The following SCN3B variants were observed in gnomAD, a reference collection of about 807,000 sequenced individuals.
SCN3B encodes the protein sodium voltage-gated channel beta subunit 3.
A neutral mutation model predicts 25.4 loss-of-function variants in SCN3B; 11 were observed. The ratio of observed to expected loss-of-function variants is 0.43; its 90% confidence interval spans 0.27 to 0.72. The LOEUF is 0.72. Among genes scored for constraint, SCN3B ranks in the 30% least tolerant of loss-of-function variants. The pLI is 0.18. For missense variants in SCN3B, 218 were observed against 278.3 expected, an observed-to-expected ratio of 0.78 and a Z score of 1.54; for synonymous variants, 109 against 110.7, an observed-to-expected ratio of 0.99 and a Z score of 0.09.
Position 123,632,281 on chromosome 11 carries a change from T to TA in SCN3B, c.*1517dup, listed in dbSNP as rs957932338. The stretch of plus-strand genomic sequence containing the variant: ...CTCAGACTAAACATTTTTCTTAGTT[T>TA]AAATATCAGTCTCAGATGCACTCTC... On this transcript the variant is annotated 3_prime_UTR_variant, in exon 7 of 7. Transcript: ENST00000299333. The TA allele has an allele frequency of 7.2e-5, 11 of 152,364 alleles. No individual in the cohort carries two copies. Among genetic ancestry groups the TA allele is most frequent in the Admixed American group, 7.2e-4 (11 of 15,300 alleles). 9.4% of individuals were successfully genotyped at this position (152,364 alleles called of 1,614,324 possible).
At chr11:123,644,035 C>T (rs1955820156) in intron 3 of SCN3B, among the ~76,000 whole-genome samples, 1 of 152,216 alleles carries the variant, frequency 6.6e-6, no homozygotes, top group South Asian at 2.1e-4. Context: ...TCCATTGTCT[C>T]TGTTACAAAT....
chr11:123,633,982 C>A (rs532193757), intron 6 of SCN3B, 139 bp downstream of exon 6: 11 of 680,302 alleles, frequency 1.6e-5, no homozygotes, highest in Non-Finnish European at 2.4e-5. Flanking sequence ...AAAGAATTAC[C>A]CTGAGGGCGG....
At position 123,632,405 on chromosome 11, in the gene SCN3B, C is replaced by A. The variant is rs1955682587; in HGVS notation, c.*1394G>T. On this transcript the variant is annotated 3_prime_UTR_variant, in exon 7 of 7. Coordinates refer to ENST00000299333, the MANE Select transcript of SCN3B (RefSeq NM_001040151.2). The stretch of plus-strand genomic sequence containing the variant: ...CCTGCTTTTTTGGCCAATTTCTAGT[C>A]ATCTGAATCTATCAGAGTTGACCTC... 6.6e-6 allele frequency: 1 copy of A among 152,174 alleles called. No individual in the cohort carries two copies. The highest frequency in any genetic ancestry group is 2.4e-5 in the African/African-American group (1 of 41,440). The allele number at this position is 152,174 out of a possible 1,614,324, so 9.4% of individuals were successfully genotyped here.
intron 4 of SCN3B, 61 bp from the exon 5 acceptor site, chr11:123,638,385 G>A: frequency 6.2e-7 from 1 of 1,606,406 alleles, no homozygotes. Context: ...GCCGTCATTG[G>A]AGCCATATTT....
In SCN3B at chr11:123,653,817, G is replaced by A; in HGVS notation, c.-16C>T. The A allele has an allele frequency of 6.2e-7, 1 of 1,614,130 alleles. No homozygotes were observed. Among genetic ancestry groups the A allele is most frequent in the Non-Finnish European group, 8.5e-7 (1 of 1,179,954 alleles). On this transcript the variant is annotated 5_prime_UTR_variant, in exon 2 of 7. Transcript: ENST00000299333. Reference sequence around the variant, plus strand: ...AGGCAGGCATCTTCTGGGGCTGGCGGCTTCCAAGGCTACACAGAGAGATTC... The same window carrying A: ...AGGCAGGCATCTTCTGGGGCTGGCGACTTCCAAGGCTACACAGAGAGATTC...
rs1235802088 is a variant in SCN3B, at chr11:123,629,831, TC to T, written c.*3967del. The T allele has an allele frequency of 1.3e-5, 2 of 152,214 alleles. No individual in the cohort carries two copies. The highest frequency in any genetic ancestry group is 3.9e-4 in the East Asian group (2 of 5,194). The allele number at this position is 152,214 out of a possible 1,614,324, so 9.4% of individuals were successfully genotyped here. A position where few individuals can be genotyped will look rare whatever the true frequency, so the allele number is the denominator to read the frequency against. ...GGAAGGCTTCTTTTGTTTTTGTTTT[TC>T]ATTTTTTTCTTTTTTCATTTTCATG... On this transcript the variant is annotated 3_prime_UTR_variant, in exon 7 of 7. Coordinates refer to ENST00000299333, the MANE Select transcript of SCN3B (RefSeq NM_001040151.2).
chr11:123,645,640 C>T lies in SCN3B; in HGVS notation c.166G>A (p.Ala56Thr). ...TAGAACCATTCCACCACCGTGGTGG[C>T]CTCCACCTCCTCTCTCTTCATGCAG... is the stretch of plus-strand genomic sequence containing the variant. Reference protein sequence around the residue: ...ISCMKREEVEATTVVEWFYRP... With the variant: ...ISCMKREEVETTTVVEWFYRP... The change falls in exon 3 of 7, where the codon GCC becomes ACC. Residue 56 changes from alanine (A) to threonine (T), a missense_variant. By Grantham distance (58) the Ala-to-Thr change is moderately conservative. Coordinates refer to ENST00000299333, the MANE Select transcript of SCN3B (RefSeq NM_001040151.2). 6.2e-7 allele frequency: 1 copy of T among 1,614,094 alleles called. No individual in the cohort carries two copies. Among genetic ancestry groups the T allele is most frequent in the East Asian group, 2.2e-5 (1 of 44,852 alleles).
rs565276689 is a variant in SCN3B at position 123,642,370 on chromosome 11, C to T, written c.445+76G>A. 8 of 1,413,564 alleles carry T rather than the reference C, an allele frequency of 5.7e-6. No homozygotes were observed. Among genetic ancestry groups the T allele is most frequent in the East Asian group, 2.3e-5 (1 of 43,892 alleles). 87.6% of individuals were successfully genotyped at this position (1,413,564 alleles called of 1,614,324 possible). On this transcript the variant is annotated intron_variant, in intron 4 of 6. Transcript: ENST00000299333. This position sits in a 1 kb window ranked among gnomAD's most constrained non-coding sequence, Gnocchi z 4.3. The stretch of plus-strand genomic sequence containing the variant: ...TTTTGCACTCTTTAAGGGCCTCACT[C>T]GTGGAAAACTGCTGTCCTACCCTTC...
chr11:123,649,394 C>T (rs1478344329), intron 2 of SCN3B, among the ~76,000 whole-genome samples: 1 of 152,170 alleles, frequency 6.6e-6, no homozygotes, highest in Non-Finnish European at 1.5e-5. Context: ...GCAAGTCCCA[C>T]TCCTTCCCTT....
rs1955668625 is a variant in SCN3B, at chr11:123,631,253, A to T, written c.*2546T>A. On this transcript the variant is annotated 3_prime_UTR_variant, in exon 7 of 7. Coordinates refer to ENST00000299333, the MANE Select transcript of SCN3B (RefSeq NM_001040151.2). ...TTAAAAAGAAGAGAAAAAGGCAATCATGCATACTGCCGGGTTCAACTTAGA... is the reference window on the plus strand; with the variant it reads ...TTAAAAAGAAGAGAAAAAGGCAATCTTGCATACTGCCGGGTTCAACTTAGA... 6.6e-6 allele frequency: 1 copy of T among 152,114 alleles called. No homozygotes were observed. Among genetic ancestry groups the T allele is most frequent in the South Asian group, 2.1e-4 (1 of 4,834 alleles). The allele number at this position is 152,114 out of a possible 1,614,324, so 9.4% of individuals were successfully genotyped here. A position where few individuals can be genotyped will look rare whatever the true frequency, so the allele number is the denominator to read the frequency against.
In SCN3B at chr11:123,629,886, T is replaced by C. The variant is rs564056752; in HGVS notation, c.*3913A>G. 6.6e-6 allele frequency: 1 copy of C among 152,356 alleles called. No homozygotes were observed. Among genetic ancestry groups the C allele is most frequent in the East Asian group, 1.9e-4 (1 of 5,188 alleles). 9.4% of individuals were successfully genotyped at this position (152,356 alleles called of 1,614,324 possible). On this transcript the variant is annotated 3_prime_UTR_variant, in exon 7 of 7. Transcript: ENST00000299333. ...AACTGGGAAAGGGGAAACTAAGATA[T>C]ATTCTGAAGTGTGTCTAGCTCTTGC...
At chr11:123,651,220 T>A (rs1955922162) in intron 2 of SCN3B, among the ~76,000 whole-genome samples, 1 of 151,890 alleles carries the variant, frequency 6.6e-6, no homozygotes, top group Non-Finnish European at 1.5e-5. Flanking sequence ...ATGCAGAAAG[T>A]AAATGGAAAG....
In SCN3B at chr11:123,642,523, G is replaced by A. The variant is rs1955804585; in HGVS notation, c.368C>T (p.Ser123Phe). 1 of 1,614,198 alleles carries A rather than the reference G, an allele frequency of 6.2e-7. No homozygotes were observed. Among genetic ancestry groups the A allele is most frequent in the Non-Finnish European group, 8.5e-7 (1 of 1,180,038 alleles). Reference protein sequence around the residue: ...NDSGLYTCNVSREFEFEAHRP... With the variant: ...NDSGLYTCNVFREFEFEAHRP... ...ATGCGCCTCAAACTCAAACTCCCGG[G>A]ACACATTGCAGGTGTAGAGGCCAGA... The change falls in exon 4 of 7, where the codon TCC (serine) becomes TTC (phenylalanine). Residue 123 changes from serine to phenylalanine, a missense_variant. Physicochemically the swap from Ser to Phe is radical, Grantham distance 155. Transcript: ENST00000299333. This position sits in a 1 kb window ranked among gnomAD's most constrained non-coding sequence, Gnocchi z 4.3.
chr11:123,633,896 G>A (rs563337105), intron 6 of SCN3B, 120 bp from the exon 7 acceptor site: 51 of 484,844 alleles, frequency 1.1e-4, no homozygotes, highest in Non-Finnish European at 1.8e-4. Context: ...CCATGGGCAA[G>A]TTCAGATTGC....
At chr11:123,647,589 A>G (rs1955868648) in intron 2 of SCN3B, among the ~76,000 whole-genome samples, 3 of 151,356 alleles carry the variant, frequency 2.0e-5, no homozygotes, top group African/African-American at 7.3e-5. Context: ...GAACCCCCAG[A>G]AAAAAAAAGA....
rs72552170 is a variant in SCN3B, at chr11:123,642,996, G to A, written c.220-325C>T. ...GGAAAGAGGGAGAACAAAGGCAGGC[G>A]GGAGAAGAGTATGGGAGCCCAGGAG... On this transcript the variant is annotated intron_variant, in intron 3 of 6. Coordinates refer to ENST00000299333, the MANE Select transcript of SCN3B (RefSeq NM_001040151.2). This position sits in a 1 kb window ranked among gnomAD's most constrained non-coding sequence, Gnocchi z 4.3. Among the ~76,000 whole-genome samples the A allele has an allele frequency of 1.1e-3, 160 of 152,228 alleles. No individual in the cohort carries two copies. The East Asian group carries it at 0.016, about 15-fold the overall frequency.
chr11:123,645,825 A>G, intron 2 of SCN3B, 75 bp from the exon 3 acceptor site: 1 of 1,531,944 alleles, frequency 6.5e-7, no homozygotes, highest in East Asian at 2.2e-5. Context: ...ACATTGGAGA[A>G]GAAGGAGGGA....
At chr11:123,645,170 A>G (rs566043143) in intron 3 of SCN3B, among the ~76,000 whole-genome samples, 4 of 152,210 alleles carry the variant, frequency 2.6e-5, no homozygotes, top group Admixed American at 6.5e-5. Flanking sequence ...TCCTATTTCA[A>G]TGGGACTGCA....
intron 5 of SCN3B, among the ~76,000 whole-genome samples, 174 bp downstream of exon 5, chr11:123,638,012 C>G (rs971065321): frequency 6.6e-6 from 1 of 152,184 alleles, no homozygotes; most frequent in Non-Finnish European, 1.5e-5. Context: ...TAAGCCAACT[C>G]TCCGAAATTC....
Sources: gnomAD v4.1 joint callset for allele counts (sites outside exome capture counted in the v4.1 genomes callset) on GRCh38, gnomAD v4.1.1 for gene constraint, Gnocchi (gnomAD v3.1) non-coding constraint, MANE v1.5 for transcripts, NCBI Gene and HGNC (gene_info 2026-07-23, HGNC 2026-07-21) for gene names.